CEP57: variants seen among roughly 807,000 people sequenced by gnomAD.
CEP57 encodes centrosomal protein of 57 kDa.
CEP57 carries 40 observed loss-of-function variants against 68.0 expected under a neutral mutation model. That is an observed-to-expected ratio of 0.59 (90% CI 0.46 to 0.77). CEP57 has a LOEUF of 0.77. CEP57 is among the 30% of genes least tolerant of loss of function. The probability of loss-of-function intolerance (pLI) is 0.00; values close to 1 mark genes in which losing one functional copy is unlikely to be tolerated. For missense variants in CEP57, 606 were observed against 580.7 expected (o/e 1.04, Z -0.45); for synonymous variants, 219 against 198.7 (o/e 1.10, Z -0.86).
intron 8 of CEP57, chr11:95,826,046 A>G (rs192260361): frequency 1.3e-5 from 2 of 152,298 alleles, no homozygotes; most frequent in East Asian, 3.9e-4. Context: ...AAGACAAATT[A>G]TAGTGTATTT....
intron 6 of CEP57, among the ~76,000 whole-genome samples, chr11:95,819,221 A>G (rs557903433): frequency 6.6e-6 from 1 of 152,356 alleles, no homozygotes; most frequent in South Asian, 2.1e-4. Context: ...CATTATCAGT[A>G]ATATTTAAAA....
Position 95,790,737 on chromosome 11 carries a change from C to T in CEP57, c.39C>T (p.His13=). ...CTGTCTCTGCGGCTTCTGGTTCTCA[C>T]TTGTCGGTAAGAAGCAGTTGGCGCG... ...AASVSAASGS[H]LSNSFAEPSR... The change falls in exon 1 of 11, where the codon CAC becomes CAT. Residue 13 remains histidine, a synonymous_variant. Coordinates refer to ENST00000325542, the MANE Select transcript of CEP57 (RefSeq NM_014679.5). 4 of 1,614,076 alleles carry T rather than the reference C, an allele frequency of 2.5e-6. No individual in the cohort carries two copies. Among genetic ancestry groups the T allele is most frequent in the Non-Finnish European group, 3.4e-6 (4 of 1,179,994 alleles).
intron 2 of CEP57, among the ~76,000 whole-genome samples, chr11:95,809,581 A>G (rs533112640): frequency 8.2e-4 from 125 of 152,358 alleles, no homozygotes; most frequent in African/African-American, 2.9e-3. Flanking sequence ...TCTCTACGCA[A>G]ATAAACTAGA....
At chr11:95,814,747 C>T (rs905797116) in intron 4 of CEP57, among the ~76,000 whole-genome samples, 3 of 152,014 alleles carry the variant, frequency 2.0e-5, no homozygotes, top group African/African-American at 7.3e-5. Context: ...CATCTTAACT[C>T]TATTATAAAA....
intron 2 of CEP57, among the ~76,000 whole-genome samples, chr11:95,801,706 A>G (rs1331407496): frequency 6.6e-6 from 1 of 152,168 alleles, no homozygotes; most frequent in African/African-American, 2.4e-5. Flanking sequence ...AATATTAAGA[A>G]GGCAGATTTA....
intron 2 of CEP57, among the ~76,000 whole-genome samples, chr11:95,799,796 C>T (rs1861496609): frequency 6.6e-6 from 1 of 152,196 alleles, no homozygotes; most frequent in Admixed American, 6.5e-5. Flanking sequence ...TTCTCCTCCT[C>T]ATCCCCAGTT....
At chr11:95,808,909 C>T (rs1223327878) in intron 2 of CEP57, among the ~76,000 whole-genome samples, 1 of 152,220 alleles carries the variant, frequency 6.6e-6, no homozygotes, top group Non-Finnish European at 1.5e-5. Context: ...ACATTCTTCT[C>T]AGCACCACAT....
intron 10 of CEP57, among the ~76,000 whole-genome samples, chr11:95,830,251 C>A (rs1014970148): frequency 6.6e-6 from 1 of 152,146 alleles, no homozygotes; most frequent in East Asian, 1.9e-4. Context: ...AAATAACTTG[C>A]CCAAGTACCA....
At chr11:95,807,323 A>G (rs1044625768) in intron 2 of CEP57, among the ~76,000 whole-genome samples, 1 of 152,356 alleles carries the variant, frequency 6.6e-6, no homozygotes, top group East Asian at 1.9e-4. Context: ...CCAAAGGAAC[A>G]CAGCTCCTTG....
At chr11:95,803,353 C>T (rs1353076913) in intron 2 of CEP57, among the ~76,000 whole-genome samples, 1 of 152,094 alleles carries the variant, frequency 6.6e-6, no homozygotes, top group Non-Finnish European at 1.5e-5. Flanking sequence ...TACTAATGAA[C>T]TCAGACATCA....
At chr11:95,812,660 G>C (rs534720347) in intron 2 of CEP57, among the ~76,000 whole-genome samples, 3 of 151,826 alleles carry the variant, frequency 2.0e-5, no homozygotes, top group Non-Finnish European at 4.4e-5. Flanking sequence ...GGCTGGTCTC[G>C]AACTCCTAAC....
chr11:95,804,156 A>G (rs1228268855), intron 2 of CEP57, among the ~76,000 whole-genome samples: 1 of 152,230 alleles, frequency 6.6e-6, no homozygotes, highest in Non-Finnish European at 1.5e-5. Context: ...CTGAAATAAA[A>G]TGAAACAAAA....
intron 6 of CEP57, among the ~76,000 whole-genome samples, chr11:95,821,455 T>C (rs1241867653): frequency 1.3e-5 from 2 of 152,208 alleles, no homozygotes; most frequent in Non-Finnish European, 2.9e-5. Context: ...AGTAAGTGCA[T>C]GGCTTTTTAG....
chr11:95,816,980 C>G (rs1862322267), intron 4 of CEP57, among the ~76,000 whole-genome samples: 1 of 151,020 alleles, frequency 6.6e-6, no homozygotes, highest in Non-Finnish European at 1.5e-5. Flanking sequence ...CACCGCACTC[C>G]AGCCTGGGTG....
chr11:95,790,846 T>A (rs1045391290), intron 1 of CEP57, 103 bp downstream of exon 1: 3 of 1,388,366 alleles, frequency 2.2e-6, no homozygotes, highest in East Asian at 4.8e-5. Flanking sequence ...GACGCAATTC[T>A]GGAGGTCGGC....
chr11:95,817,478 G>A (rs1246891412), intron 4 of CEP57, among the ~76,000 whole-genome samples: 1 of 152,132 alleles, frequency 6.6e-6, no homozygotes, highest in Non-Finnish European at 1.5e-5. Flanking sequence ...TACTTGACAG[G>A]ACCAAACTAA....
intron 8 of CEP57, among the ~76,000 whole-genome samples, chr11:95,825,418 TAAAG>T (rs1351911372): frequency 6.6e-6 from 1 of 152,054 alleles, no homozygotes; most frequent in Non-Finnish European, 1.5e-5. Flanking sequence ...TTGGAGAAAT[TAAAG>T]AGTCAGTAGA....
intron 1 of CEP57, 33 bp downstream of exon 1, chr11:95,790,776 T>G: frequency 6.2e-7 from 1 of 1,612,750 alleles, no homozygotes; most frequent in Non-Finnish European, 8.5e-7. Flanking sequence ...GGGCCCCACG[T>G]CGGCCCTAAG....
intron 1 of CEP57, among the ~76,000 whole-genome samples, chr11:95,791,127 G>A (rs1006282189): frequency 2.0e-5 from 3 of 152,182 alleles, no homozygotes; most frequent in Admixed American, 6.5e-5. Flanking sequence ...GGTGAGGCGC[G>A]CCAGTGTGTT....
Sources: allele counts gnomAD v4.1 joint callset (sites outside exome capture counted in the v4.1 genomes callset), GRCh38; gene constraint gnomAD v4.1.1; transcripts MANE v1.5; gene names NCBI Gene and HGNC (gene_info 2026-07-23, HGNC 2026-07-21).